The following PSMD14 variants were observed in gnomAD, a reference collection of about 807,000 sequenced individuals.
PSMD14 encodes proteasome 26S subunit, non-ATPase 14.
Under a neutral mutation model 41.2 loss-of-function variants are expected in PSMD14, and 7 were observed. The ratio of observed to expected loss-of-function variants is 0.17; its 90% CI spans 0.10 to 0.32. The LOEUF (loss-of-function observed/expected upper bound fraction) is 0.32, where lower values mean the gene tolerates loss of function less well. PSMD14 is among the 10% of genes least tolerant of loss of function. PSMD14 has a pLI of 1.00. For synonymous variants in PSMD14, 114 were observed against 122.3 expected (o/e 0.93, Z 0.45); for missense variants, 139 against 375.6 (o/e 0.37, Z 5.21).
intron 3 of PSMD14, among the ~76,000 whole-genome samples, chr2:161,329,911 T>C (rs552076287): frequency 3.9e-5 from 6 of 152,296 alleles, no homozygotes; most frequent in African/African-American, 1.4e-4. Flanking sequence ...AGGGTGTTCC[T>C]GAGAGGCCTC....
chr2:161,400,409 T>A (rs1011698424), intron 10 of PSMD14, among the ~76,000 whole-genome samples: 4 of 152,168 alleles, frequency 2.6e-5, no homozygotes, highest in African/African-American at 9.7e-5. Flanking sequence ...ACAGCACTCC[T>A]GATTACAACC....
intron 3 of PSMD14, among the ~76,000 whole-genome samples, chr2:161,363,765 T>G (rs1170460744): frequency 6.6e-6 from 1 of 152,184 alleles, no homozygotes; most frequent in Non-Finnish European, 1.5e-5. Context: ...GCCTGCTTCT[T>G]CAGTGCCCCA....
At position 161,327,510 on chromosome 2, in the gene PSMD14, A is replaced by G. The variant is rs112885099; in HGVS notation, c.48+8637A>G. 1.5e-3 allele frequency among the ~76,000 whole-genome samples: 232 copies of G among 152,300 alleles called. 2 individuals carry two copies. Among genetic ancestry groups the G allele is most frequent in the African/African-American group, 5.3e-3 (222 of 41,578 alleles). On this transcript the variant is annotated intron_variant, in intron 3 of 11. Transcript: ENST00000409682. ...CATGTGAACTAGTCAGGTGCATAGC[A>G]GATACCCTTCCCCAATCCCCCCATT... is the stretch of plus-strand genomic sequence containing the variant.
chr2:161,317,841 A>G (rs1689162257), intron 2 of PSMD14, among the ~76,000 whole-genome samples: 1 of 152,208 alleles, frequency 6.6e-6, no homozygotes, highest in Non-Finnish European at 1.5e-5. Flanking sequence ...TCTTAAGCAT[A>G]CACTTAGGAA....
intron 10 of PSMD14, among the ~76,000 whole-genome samples, chr2:161,404,243 T>C (rs1424729806): frequency 6.6e-6 from 1 of 152,178 alleles, no homozygotes; most frequent in Admixed American, 6.5e-5. Flanking sequence ...GTTTTACAGC[T>C]AGTCTATAAG....
In PSMD14 at chr2:161,361,494, A is replaced by C. The variant is rs928186076; in HGVS notation, c.49-5984A>C. ...CACATACATATTATTGGAAAATAGAAAATGGAAAACTTTGTAATTGGGAAA... is the reference window on the plus strand; with the variant it reads ...CACATACATATTATTGGAAAATAGACAATGGAAAACTTTGTAATTGGGAAA... On this transcript the variant is annotated intron_variant, in intron 3 of 11. Coordinates refer to ENST00000409682, the MANE Select transcript of PSMD14 (RefSeq NM_005805.6). Among the ~76,000 whole-genome samples, 4 of 152,280 alleles carry C rather than the reference A, an allele frequency of 2.6e-5. No individual in the cohort carries two copies. The East Asian group carries it at 7.7e-4, about 29-fold the overall frequency.
chr2:161,364,868 C>A (rs1221534295), intron 3 of PSMD14, among the ~76,000 whole-genome samples: 1 of 152,094 alleles, frequency 6.6e-6, no homozygotes. Context: ...CTTTGGGAGA[C>A]TAAGGCGGGT....
chr2:161,389,764 A>G (rs1574139037), intron 8 of PSMD14, among the ~76,000 whole-genome samples: 1 of 151,838 alleles, frequency 6.6e-6, no homozygotes, highest in East Asian at 1.9e-4. Context: ...ATTGTGGCAT[A>G]GTATGTTAGA....
intron 9 of PSMD14, among the ~76,000 whole-genome samples, chr2:161,394,270 C>T (rs1683759717): frequency 6.6e-6 from 1 of 151,938 alleles, no homozygotes; most frequent in Non-Finnish European, 1.5e-5. Context: ...CTGTGCCCGG[C>T]CTAGATAAAT....
intron 3 of PSMD14, among the ~76,000 whole-genome samples, chr2:161,360,737 C>T (rs1219034911): frequency 3.3e-5 from 5 of 151,940 alleles, no homozygotes; most frequent in East Asian, 1.9e-4. Context: ...GGGGTTTCAC[C>T]GTGTTAGCCA....
At chr2:161,407,325 A>C (rs1330220011) in intron 10 of PSMD14, among the ~76,000 whole-genome samples, 1 of 152,140 alleles carries the variant, frequency 6.6e-6, no homozygotes, top group East Asian at 1.9e-4. Flanking sequence ...CTGACTCTGA[A>C]AATGAGCATA....
chr2:161,364,378 G>A (rs1488869891), intron 3 of PSMD14, among the ~76,000 whole-genome samples: 3 of 152,148 alleles, frequency 2.0e-5, no homozygotes, highest in African/African-American at 7.2e-5. Flanking sequence ...GCATGGGGGA[G>A]TGGCAGGCCA....
intron 1 of PSMD14, among the ~76,000 whole-genome samples, chr2:161,313,676 T>C (rs1048240217): frequency 2.6e-5 from 4 of 152,232 alleles, no homozygotes; most frequent in Non-Finnish European, 5.9e-5. Context: ...TTCTGTATTT[T>C]CTTGGTTTTG....
chr2:161,401,147 G>A (rs1287082859), intron 10 of PSMD14, among the ~76,000 whole-genome samples: 2 of 152,038 alleles, frequency 1.3e-5, no homozygotes, highest in African/African-American at 4.8e-5. Context: ...GTACGGTACT[G>A]TAAATGTATT....
At chr2:161,370,083 A>G in intron 5 of PSMD14, 24 bp from the exon 6 acceptor site, 5 of 1,504,074 alleles carry the variant, frequency 3.3e-6, no homozygotes, top group Non-Finnish European at 4.5e-6. Flanking sequence ...AAAAATTAAT[A>G]ATTTTTCTTT....
intron 3 of PSMD14, among the ~76,000 whole-genome samples, chr2:161,348,675 T>C (rs1383474399): frequency 1.3e-5 from 2 of 152,194 alleles, no homozygotes; most frequent in Non-Finnish European, 2.9e-5. Flanking sequence ...TGTATACTTA[T>C]GTAGTAAAGG....
chr2:161,406,507 T>C (rs1347904165), intron 10 of PSMD14, among the ~76,000 whole-genome samples: 4 of 152,192 alleles, frequency 2.6e-5, no homozygotes, highest in Non-Finnish European at 1.5e-5. Flanking sequence ...GCTGCAATCA[T>C]TTCTTACGTT....
chr2:161,389,898 T>G lies in PSMD14; in HGVS notation c.571-1206T>G, dbSNP rs1202960394. 1.7e-4 allele frequency among the ~76,000 whole-genome samples: 18 copies of G among 108,746 alleles called. 3 individuals are homozygous for G. Among genetic ancestry groups the G allele is most frequent in the South Asian group, 1.4e-3 (4 of 2,898 alleles). 71.3% of individuals were successfully genotyped at this position (108,746 alleles called of 152,430 possible). ...TTCTTTCTTTTTTGTTGTTTTTTTTTTTTTTTTTTTTTTTAGAGATGGGGT... is the reference window on the plus strand; with the variant it reads ...TTCTTTCTTTTTTGTTGTTTTTTTTGTTTTTTTTTTTTTTAGAGATGGGGT... On this transcript the variant is annotated intron_variant, in intron 8 of 11. Transcript: ENST00000409682.
rs1456289952 is a variant in PSMD14 at position 161,385,555 on chromosome 2, A to G, written c.554A>G (p.Asn185Ser). 1 of 1,596,834 alleles carries G rather than the reference A, an allele frequency of 6.3e-7. No homozygotes were observed. Among genetic ancestry groups the G allele is most frequent in the Non-Finnish European group, 8.6e-7 (1 of 1,165,682 alleles). ...ACAACTTCGAATCTGGGTCACTTAAACAAGCCATCTATCCAGGTATTGCCT... is the reference window on the plus strand; with the variant it reads ...ACAACTTCGAATCTGGGTCACTTAAGCAAGCCATCTATCCAGGTATTGCCT... ...RQTTSNLGHL[N>S]KPSIQALIHG... is the part of the protein sequence containing the mutation. The change falls in exon 8 of 12, where the codon AAC becomes AGC. Residue 185 changes from asparagine (N) to serine (S), a missense_variant. By Grantham distance (46) the Asn-to-Ser change is conservative. This residue lies in a region of PSMD14 where 35 missense variants were observed against 162.9 expected (regional missense o/e 0.21). Coordinates refer to ENST00000409682, the MANE Select transcript of PSMD14 (RefSeq NM_005805.6).
Sources: allele counts gnomAD v4.1 joint callset (sites outside exome capture counted in the v4.1 genomes callset), GRCh38; gene constraint gnomAD v4.1.1; regional missense constraint gnomAD v4.1.1; transcripts MANE v1.5; gene names NCBI Gene and HGNC (gene_info 2026-07-23, HGNC 2026-07-21).